The following ARHGAP6 variants were observed in gnomAD, a reference collection of about 807,000 sequenced individuals.
ARHGAP6 encodes rho GTPase-activating protein 6.
In ARHGAP6, 16 loss-of-function variants were observed where a neutral mutation model predicts 55.7. That is an observed-to-expected ratio of 0.29 (90% CI 0.19 to 0.44). ARHGAP6 has a LOEUF of 0.44. Ranked by LOEUF, ARHGAP6 falls within the 20% of genes least tolerant of loss-of-function variation. ARHGAP6 has a pLI of 1.00. For synonymous variants in ARHGAP6, 382 were observed against 360.9 expected (o/e 1.06, Z -0.66); for missense variants, 698 against 808.9 (o/e 0.86, Z 1.66).
intron 1 of ARHGAP6, among the ~76,000 whole-genome samples, chrX:11,590,864 A>G (rs2051811521): frequency 6.4e-5 from 4 of 62,071 alleles, no homozygotes; most frequent in African/African-American, 2.8e-4. Flanking sequence ...AAGAAAAGAA[A>G]AGAAGGAAAG....
chrX:11,574,071 TG>T (rs1283296504), intron 1 of ARHGAP6, among the ~76,000 whole-genome samples: 1 of 111,197 alleles, frequency 9.0e-6, no homozygotes, highest in Non-Finnish European at 1.9e-5. Flanking sequence ...TCTGAAATTG[TG>T]GCAATAATCA....
chrX:11,216,216 G>T (rs763219438), intron 2 of ARHGAP6, among the ~76,000 whole-genome samples: 15 of 109,852 alleles, frequency 1.4e-4, no homozygotes, highest in Non-Finnish European at 2.5e-4. Context: ...AAAAAAAAAG[G>T]TGTGTCTTTT....
At chrX:11,306,025 TGC>T (rs1293125984) in intron 1 of ARHGAP6, among the ~76,000 whole-genome samples, 1 of 111,693 alleles carries the variant, frequency 9.0e-6, no homozygotes, top group Non-Finnish European at 1.9e-5. Context: ...CCTGCCTCCT[TGC>T]TGCTGTATCC....
chrX:11,495,118 T>C (rs1421307277), intron 1 of ARHGAP6, among the ~76,000 whole-genome samples: 2 of 111,985 alleles, frequency 1.8e-5, no homozygotes, highest in African/African-American at 6.5e-5. Context: ...CCCAATGACA[T>C]CATAGCGCAC....
intron 2 of ARHGAP6, among the ~76,000 whole-genome samples, chrX:11,225,449 A>G (rs1475886402): frequency 9.0e-6 from 1 of 110,959 alleles, no homozygotes; most frequent in Non-Finnish European, 1.9e-5. Flanking sequence ...TTGAATATAT[A>G]TAAGAAAGAA....
chrX:11,199,014 G>C (rs1357472552), intron 2 of ARHGAP6, among the ~76,000 whole-genome samples: 2 of 111,978 alleles, frequency 1.8e-5, no homozygotes, highest in African/African-American at 6.5e-5. Context: ...CCTGTTTTGG[G>C]ATGCATACAG....
chrX:11,611,973 G>C (rs2052107968), intron 1 of ARHGAP6, among the ~76,000 whole-genome samples: 1 of 109,754 alleles, frequency 9.1e-6, no homozygotes, highest in Non-Finnish European at 1.9e-5. Flanking sequence ...AAAAGATGGA[G>C]ACTAATCAAC....
chrX:11,197,826 T>A (rs1002306435), intron 2 of ARHGAP6, among the ~76,000 whole-genome samples: 8 of 112,245 alleles, frequency 7.1e-5, no homozygotes, highest in African/African-American at 2.6e-4. Flanking sequence ...TCTTGGGCTG[T>A]CATCATAAAA....
At chrX:11,156,455 C>T in intron 10 of ARHGAP6, 74 bp downstream of exon 10, 3 of 1,003,384 alleles carry the variant, frequency 3.0e-6, no homozygotes, top group Non-Finnish European at 4.1e-6. Context: ...CTTATGTAAA[C>T]CTTTCCAATT....
intron 1 of ARHGAP6, among the ~76,000 whole-genome samples, chrX:11,529,378 T>C (rs1364840333): frequency 8.9e-6 from 1 of 112,095 alleles, no homozygotes; most frequent in Non-Finnish European, 1.9e-5. Flanking sequence ...TTGTAAAATG[T>C]AATAAAAATA....
rs181939890 is a variant in ARHGAP6, at chrX:11,474,304, T to G, written c.588+189937A>C. Among the ~76,000 whole-genome samples, 50 of 112,062 alleles carry G rather than the reference T, an allele frequency of 4.5e-4. No individual in the cohort carries two copies. In the East Asian group the frequency reaches 0.013, roughly 29 times the overall value. ...GTCTACAGCGTTATCTATTGGTGCTTCTTTGGGTCCACATACCACCTTTTC... is the reference window on the plus strand; with the variant it reads ...GTCTACAGCGTTATCTATTGGTGCTGCTTTGGGTCCACATACCACCTTTTC... On this transcript the variant is annotated intron_variant, in intron 1 of 12. Transcript: ENST00000337414.
chrX:11,385,675 C>A (rs780388093), intron 1 of ARHGAP6, among the ~76,000 whole-genome samples: 1 of 111,794 alleles, frequency 8.9e-6, no homozygotes, highest in African/African-American at 3.2e-5. Flanking sequence ...TTGAGGAAAT[C>A]TGATGAGTTA....
At chrX:11,559,563 T>C (rs1427954757) in intron 1 of ARHGAP6, among the ~76,000 whole-genome samples, 1 of 111,894 alleles carries the variant, frequency 8.9e-6, no homozygotes, top group Non-Finnish European at 1.9e-5. Flanking sequence ...TTTGCCTTTG[T>C]ATTCCCAGGC....
At chrX:11,350,571 C>A (rs2147669643) in intron 1 of ARHGAP6, among the ~76,000 whole-genome samples, 1 of 112,201 alleles carries the variant, frequency 8.9e-6, no homozygotes, top group African/African-American at 3.2e-5. Flanking sequence ...AAGAACCCAG[C>A]AGGGTTTCAT....
At chrX:11,536,526 C>G (rs1282809434) in intron 1 of ARHGAP6, among the ~76,000 whole-genome samples, 1 of 112,190 alleles carries the variant, frequency 8.9e-6, no homozygotes, top group Non-Finnish European at 1.9e-5. Context: ...TCCAAATAAA[C>G]TCCTTGAATG....
chrX:11,620,281 A>G (rs2052212727), intron 1 of ARHGAP6, among the ~76,000 whole-genome samples: 2 of 112,527 alleles, frequency 1.8e-5, no homozygotes, highest in African/African-American at 6.5e-5. Context: ...AATTAAAAAA[A>G]CAAACTTTTT....
chrX:11,615,386 C>T (rs1464434464), intron 1 of ARHGAP6, among the ~76,000 whole-genome samples: 1 of 111,774 alleles, frequency 8.9e-6, no homozygotes, highest in African/African-American at 3.3e-5. Flanking sequence ...TTTTCTACTC[C>T]CAGGAACTAG....
At chrX:11,569,802 G>T (rs893558483) in intron 1 of ARHGAP6, among the ~76,000 whole-genome samples, 1 of 111,723 alleles carries the variant, frequency 9.0e-6, no homozygotes, top group African/African-American at 3.3e-5. Context: ...CACCCAAGGG[G>T]TCTCAGGCTT....
chrX:11,508,852 TACACACACACAC>T (rs199575300), intron 1 of ARHGAP6, among the ~76,000 whole-genome samples: 2 of 101,971 alleles, frequency 2.0e-5, no homozygotes. Context: ...CAACTCATAC[TACACACACACAC>T]ACACACACAC....
Sources: allele counts gnomAD v4.1 joint callset (sites outside exome capture counted in the v4.1 genomes callset), GRCh38; gene constraint gnomAD v4.1.1; transcripts MANE v1.5; gene names NCBI Gene and HGNC (gene_info 2026-07-23, HGNC 2026-07-21).